IL16: variants seen among roughly 807,000 people sequenced by gnomAD.
IL16 encodes the protein pro-interleukin-16.
Under a neutral mutation model 110.1 loss-of-function variants are expected in IL16, and 67 were observed. The observed-to-expected ratio is 0.61, with a 90% CI of 0.50 to 0.75. The LOEUF (loss-of-function observed/expected upper bound fraction) is 0.75. IL16 is among the 30% of genes least tolerant of loss of function. The probability of loss-of-function intolerance (pLI) is 0.00; values close to 1 mark genes in which losing one functional copy is unlikely to be tolerated. For synonymous variants in IL16, 689 were observed against 662.9 expected (o/e 1.04, Z -0.61); for missense variants, 1,545 against 1,655.0 (o/e 0.93, Z 1.15).
rs149850550 is a variant in IL16, at chr15:81,269,580, G to T, written c.607G>T (p.Val203Leu). ...ACGGTCCCTGAGCACAGCTCAGCTCGTGCAGCCATCTGGGGGCCTCCAGGC... is the reference window on the plus strand; with the variant it reads ...ACGGTCCCTGAGCACAGCTCAGCTCTTGCAGCCATCTGGGGGCCTCCAGGC... ...PTRSLSTAQL[V>L]QPSGGLQASV... The change falls in exon 5 of 19, where the codon GTG becomes TTG. Residue 203 changes from valine (V) to leucine (L), a missense_variant. By Grantham distance (32) the Val-to-Leu change is conservative. Coordinates refer to ENST00000683961, the MANE Select transcript of IL16 (RefSeq NM_172217.5). 1.1e-5 allele frequency: 18 copies of T among 1,614,150 alleles called. No individual in the cohort carries two copies. The highest frequency in any genetic ancestry group is 1.7e-6 in the Non-Finnish European group (2 of 1,180,002).
chr15:81,188,233 T>G (rs1895445009), intron 1 of IL16: 1 of 432,706 alleles, frequency 2.3e-6, no homozygotes, highest in Non-Finnish European at 4.7e-6. Context: ...GCAGGTAGTG[T>G]CGGGCAGATG....
rs559703944 is a variant in IL16 at position 81,187,234 on chromosome 15, G to C, written c.40+4338G>C. Among the ~76,000 whole-genome samples, 529 of 152,250 alleles carry C rather than the reference G, an allele frequency of 3.5e-3. 4 individuals are homozygous for C. The highest frequency in any genetic ancestry group is 0.012 in the African/African-American group (506 of 41,528). ...ATACAGTGAAATGTATGTATCTTAA[G>C]TGCACTGTTCAGTTCATTGTGAAAA... On this transcript the variant is annotated intron_variant, in intron 1 of 18. Transcript: ENST00000302987.
chr15:81,301,574 T>C, intron 15 of IL16, 62 bp downstream of exon 15: 3 of 1,481,756 alleles, frequency 2.0e-6, no homozygotes, highest in Non-Finnish European at 2.8e-6. Context: ...GTGGCCACCT[T>C]AGTTGGGCCA....
At chr15:81,237,070 C>A (rs892419311) in intron 2 of IL16, among the ~76,000 whole-genome samples, 1 of 152,190 alleles carries the variant, frequency 6.6e-6, no homozygotes, top group African/African-American at 2.4e-5. Flanking sequence ...TCTCCCTGTC[C>A]TTCACATATA....
chr15:81,292,582 C>T lies in IL16; in HGVS notation c.1447C>T (p.His483Tyr), dbSNP rs1177076168. ...EGVKRLESSW[H>Y]GRPTLEKERE... is the part of the protein sequence containing the mutation. ...TGTCAAAAGGCTGGAAAGCAGTTGGCACGGGCGGCCCACCTTGGAGAAGGA... is the reference window on the plus strand; with the variant it reads ...TGTCAAAAGGCTGGAAAGCAGTTGGTACGGGCGGCCCACCTTGGAGAAGGA... The change falls in exon 12 of 19, where the codon CAC (histidine) becomes TAC (tyrosine). Residue 483 changes from histidine to tyrosine, a missense_variant. Transcript: ENST00000683961. 6.2e-7 allele frequency: 1 copy of T among 1,605,316 alleles called. No individual in the cohort carries two copies. The highest frequency in any genetic ancestry group is 1.7e-5 in the Admixed American group (1 of 59,766).
chr15:81,252,118 C>G (rs8041235), intron 2 of IL16, among the ~76,000 whole-genome samples: 147 of 152,256 alleles, frequency 9.7e-4, no homozygotes, highest in African/African-American at 3.5e-3. Flanking sequence ...TTCTGTAAAT[C>G]AATTCTAAAT....
intron 2 of IL16, among the ~76,000 whole-genome samples, chr15:81,246,365 T>TA (rs1249094135): frequency 6.6e-6 from 1 of 152,204 alleles, no homozygotes; most frequent in Non-Finnish European, 1.5e-5. Context: ...GGCAACCACT[T>TA]ACTTTTCTAT....
intron 1 of IL16, among the ~76,000 whole-genome samples, chr15:81,205,711 A>G (rs1895991959): frequency 6.6e-6 from 1 of 152,140 alleles, no homozygotes. Flanking sequence ...AAAAAAGGGA[A>G]ACAAAAAAAG....
In IL16 at chr15:81,253,012, A is replaced by G. The variant is rs28749284; in HGVS notation, c.313-6760A>G. On this transcript the variant is annotated intron_variant, in intron 2 of 18. Transcript: ENST00000683961. ...TACCTAGGAATGGAACTGCTGCATC[A>G]TATGGTAACTCTATACTTAACTTTT... Among the ~76,000 whole-genome samples the G allele has an allele frequency of 3.0e-3, 461 of 152,276 alleles. 1 individual carries two copies. Among genetic ancestry groups the G allele is most frequent in the African/African-American group, 0.01 (433 of 41,568 alleles).
Position 81,279,622 on chromosome 15 carries a change from G to T in IL16, c.929G>T (p.Cys310Phe), listed in dbSNP as rs1261316873. ...CGCCTGACGGCGCCTCCTTCCCTGTGCAGCCACCTGTCTCCCCCACTGTGC... is the reference window on the plus strand; with the variant it reads ...CGCCTGACGGCGCCTCCTTCCCTGTTCAGCCACCTGTCTCCCCCACTGTGC... ...RTRLTAPPSL[C>F]SHLSPPLCRS... Residue 310 changes from cysteine (C) to phenylalanine (F), a missense_variant, in exon 8 of 19, where the codon TGC becomes TTC. Physicochemically the swap from Cys to Phe is radical, Grantham distance 205 (BLOSUM62 -2). Around this residue, in one of 3 missense-constraint regions of IL16, gnomAD observed 1,185 missense variants for 1,238.8 expected, o/e 0.96. Coordinates refer to ENST00000683961, the MANE Select transcript of IL16 (RefSeq NM_172217.5). 1 of 1,614,148 alleles carries T rather than the reference G, an allele frequency of 6.2e-7. No homozygotes were observed. Among genetic ancestry groups the T allele is most frequent in the South Asian group, 1.1e-5 (1 of 91,084 alleles).
At chr15:81,200,526 C>T (rs1266846135) in intron 1 of IL16, among the ~76,000 whole-genome samples, 3 of 145,234 alleles carry the variant, frequency 2.1e-5, no homozygotes, top group Non-Finnish European at 4.4e-5. Flanking sequence ...CACGCCACCA[C>T]ACCTGGATAA....
intron 4 of IL16, among the ~76,000 whole-genome samples, chr15:81,266,508 TA>T (rs1898388271): frequency 6.6e-6 from 1 of 152,160 alleles, no homozygotes; most frequent in South Asian, 2.1e-4. Flanking sequence ...TAAGCAGATA[TA>T]AAGCACAGTG....
In IL16 at chr15:81,236,150, G is replaced by A. The variant is rs141277304; in HGVS notation, c.312+10439G>A. ...AGGATTTGATGAGGTCAGATCAGTC[G>A]TCTGAATCTCTGGCATGTGCTGTGG... On this transcript the variant is annotated intron_variant, in intron 2 of 18. Coordinates refer to ENST00000683961, the MANE Select transcript of IL16 (RefSeq NM_172217.5). Among the ~76,000 whole-genome samples the A allele has an allele frequency of 5.6e-4, 85 of 152,372 alleles. 4 individuals are homozygous for A. In the East Asian group the frequency reaches 9.8e-3, roughly 18 times the overall value.
intron 2 of IL16, among the ~76,000 whole-genome samples, chr15:81,245,971 A>G (rs1222043715): frequency 6.6e-6 from 1 of 151,988 alleles, no homozygotes; most frequent in Non-Finnish European, 1.5e-5. Context: ...TGTCTACTCC[A>G]TCTTCCCAGA....
At chr15:81,188,748 C>A (rs551056853) in intron 1 of IL16, among the ~76,000 whole-genome samples, 1 of 152,130 alleles carries the variant, frequency 6.6e-6, no homozygotes, top group African/African-American at 2.4e-5. Flanking sequence ...TTCTTCCTCC[C>A]GGCCTTTTTT....
chr15:81,293,168 G>A lies in IL16; in HGVS notation c.1902+131G>A, dbSNP rs912171659. The A allele has an allele frequency of 2.3e-4, 226 of 997,278 alleles. 1 individual carries two copies. Among genetic ancestry groups the A allele is most frequent in the Non-Finnish European group, 2.9e-4 (201 of 692,412 alleles). The allele number at this position is 997,278 out of a possible 1,614,324, so 61.8% of individuals were successfully genotyped here. On this transcript the variant is annotated intron_variant, in intron 12 of 18. Transcript: ENST00000683961. The stretch of plus-strand genomic sequence containing the variant: ...CCTGCTCCACCAGAGAGAAACTGTT[G>A]CCTAGGACTCAGCTGAGGACTGACC...
rs1253858436 is a variant in IL16, at chr15:81,203,112, G to A, written c.-102+5960G>A. Among the ~76,000 whole-genome samples, 43 of 151,166 alleles carry A rather than the reference G, an allele frequency of 2.8e-4. No individual in the cohort carries two copies. In the East Asian group the frequency reaches 3.9e-3, roughly 14 times the overall value. On this transcript the variant is annotated intron_variant, in intron 1 of 18. Transcript: ENST00000683961. ...ACTTTTTCATGTGTCTGTTGGCTGC[G>A]TAAATGTCTTCTTTTGAGAAGTGTC...
At chr15:81,298,609 G>A (rs867946886) in intron 13 of IL16, among the ~76,000 whole-genome samples, 3 of 152,304 alleles carry the variant, frequency 2.0e-5, no homozygotes, top group South Asian at 2.1e-4. Context: ...ATTTTTCAGG[G>A]CCCTCCAGAT....
intron 1 of IL16, among the ~76,000 whole-genome samples, chr15:81,223,467 C>T (rs375682928): frequency 1.3e-5 from 2 of 152,172 alleles, no homozygotes; most frequent in Non-Finnish European, 2.9e-5. Flanking sequence ...ATCAATGAGA[C>T]GGTAGAGCCA....
Sources: allele counts gnomAD v4.1 joint callset (sites outside exome capture counted in the v4.1 genomes callset), GRCh38; gene constraint gnomAD v4.1.1; regional missense constraint gnomAD v4.1.1; transcripts MANE v1.5; gene names NCBI Gene and HGNC (gene_info 2026-07-23, HGNC 2026-07-21).